The following TMEM178B variants were observed in gnomAD, a reference collection of about 807,000 sequenced individuals.
The protein encoded by TMEM178B is transmembrane protein 178B.
TMEM178B carries 5 observed loss-of-function variants against 31.0 expected under a neutral mutation model. The ratio of observed to expected loss-of-function variants is 0.16; its 90% CI spans 0.08 to 0.34. TMEM178B has a LOEUF of 0.34. Among genes scored for constraint, TMEM178B ranks in the 10% least tolerant of loss-of-function variants. TMEM178B has a pLI of 1.00. For synonymous variants in TMEM178B, 164 were observed against 164.0 expected, an observed-to-expected ratio of 1.00 and a Z score of 0.00; for missense variants, 275 against 400.3, an observed-to-expected ratio of 0.69 and a Z score of 2.67.
At chr7:141,231,180 C>T (rs935351870) in intron 2 of TMEM178B, among the ~76,000 whole-genome samples, 2 of 152,206 alleles carry the variant, frequency 1.3e-5, no homozygotes, top group Admixed American at 6.5e-5. Context: ...GCATTTCCAG[C>T]GCCTAGAACA....
chr7:141,196,861 G>A (rs1340905623), intron 1 of TMEM178B, among the ~76,000 whole-genome samples: 2 of 152,146 alleles, frequency 1.3e-5, no homozygotes, highest in Admixed American at 6.5e-5. Flanking sequence ...CCAGGAGTAG[G>A]ATAGTAGGAC....
At chr7:141,431,120 G>C (rs1801419632) in intron 2 of TMEM178B, 1 of 151,120 alleles carries the variant, frequency 6.6e-6, no homozygotes, top group Admixed American at 6.6e-5. Context: ...TCTAGCCCCA[G>C]TAATTACCAT....
intron 2 of TMEM178B, among the ~76,000 whole-genome samples, chr7:141,217,207 C>T (rs989354763): frequency 6.6e-6 from 1 of 152,164 alleles, no homozygotes; most frequent in African/African-American, 2.4e-5. Flanking sequence ...TTGCATGACC[C>T]CCAGGAGCTC....
chr7:141,414,779 G>A (rs546818494), intron 2 of TMEM178B: 1 of 152,304 alleles, frequency 6.6e-6, no homozygotes, highest in East Asian at 1.9e-4. Flanking sequence ...AGTAGCATCT[G>A]CTTCACATAA....
chr7:141,163,012 G>C (rs1179504639), intron 1 of TMEM178B, among the ~76,000 whole-genome samples: 1 of 152,198 alleles, frequency 6.6e-6, no homozygotes, highest in Non-Finnish European at 1.5e-5. Context: ...GCTAGCTTTT[G>C]CTGTGTAACA....
At chr7:141,300,192 C>G (rs965611004) in intron 2 of TMEM178B, among the ~76,000 whole-genome samples, 2 of 152,176 alleles carry the variant, frequency 1.3e-5, no homozygotes, top group African/African-American at 4.8e-5. Context: ...GGTGGCTGCT[C>G]CCTCTAGGAT....
chr7:141,445,038 A>G (rs1801728231), intron 3 of TMEM178B, among the ~76,000 whole-genome samples: 1 of 152,200 alleles, frequency 6.6e-6, no homozygotes, highest in Non-Finnish European at 1.5e-5. Context: ...GGAAATCATT[A>G]AAGTTTCTTT....
rs1181768953 is a variant in TMEM178B, at chr7:141,477,377, GAGTT to G, written c.*6594_*6597del. 2 of 153,468 alleles carry G rather than the reference GAGTT, an allele frequency of 1.3e-5. No homozygotes were observed. Among genetic ancestry groups the G allele is most frequent in the Non-Finnish European group, 2.9e-5 (2 of 68,200 alleles). 9.5% of individuals were successfully genotyped at this position (153,468 alleles called of 1,614,324 possible). Reference sequence around the variant, plus strand: ...CTTCTGTGGACGGCCCTAAAATCCTGAGTTAGGGTGGGATATGAAGGGAGGGATA... The same window carrying G: ...CTTCTGTGGACGGCCCTAAAATCCTGAGGGTGGGATATGAAGGGAGGGATA... On this transcript the variant is annotated 3_prime_UTR_variant, in exon 4 of 4. Transcript: ENST00000565468.
rs1456342231 is a variant in TMEM178B, at chr7:141,479,167, C to T, written c.*8381C>T. 1 of 152,308 alleles carries T rather than the reference C, an allele frequency of 6.6e-6. No homozygotes were observed. Among genetic ancestry groups the T allele is most frequent in the Non-Finnish European group, 1.5e-5 (1 of 68,114 alleles). 9.4% of individuals were successfully genotyped at this position (152,308 alleles called of 1,614,324 possible). On this transcript the variant is annotated 3_prime_UTR_variant, in exon 4 of 4. Coordinates refer to ENST00000565468, the MANE Select transcript of TMEM178B (RefSeq NM_001195278.2). ...ACTGCCTCCCACCCCTTAACCTGATCCCCTTATCATATAGTGGGGAAGGGG... is the reference window on the plus strand; with the variant it reads ...ACTGCCTCCCACCCCTTAACCTGATTCCCTTATCATATAGTGGGGAAGGGG...
chr7:141,209,912 G>A (rs1045426715), intron 1 of TMEM178B, among the ~76,000 whole-genome samples: 30 of 152,214 alleles, frequency 2.0e-4, no homozygotes, highest in African/African-American at 5.3e-4. Flanking sequence ...CCTGGGGTAT[G>A]TGAAGGCTGG....
At chr7:141,283,545 C>A (rs1798398400) in intron 2 of TMEM178B, among the ~76,000 whole-genome samples, 1 of 152,056 alleles carries the variant, frequency 6.6e-6, no homozygotes, top group African/African-American at 2.4e-5. Flanking sequence ...TTTTCTTATT[C>A]TTCACCTTTT....
intron 2 of TMEM178B, among the ~76,000 whole-genome samples, chr7:141,223,479 C>CTTTTTTTTTTTTTTTTT (rs10680431): frequency 6.1e-5 from 8 of 131,146 alleles, no homozygotes; most frequent in South Asian, 2.4e-4. Context: ...TGTTTTCACT[C>CTTTTTTTTTTTTTTTTT]TTTTTTTTTT....
At chr7:141,189,349 G>A (rs570088531) in intron 1 of TMEM178B, among the ~76,000 whole-genome samples, 5 of 152,380 alleles carry the variant, frequency 3.3e-5, no homozygotes, top group African/African-American at 1.2e-4. Flanking sequence ...GCACTCTGGT[G>A]TCAGGAATGA....
At chr7:141,096,625 C>A (rs745438891) in intron 1 of TMEM178B, among the ~76,000 whole-genome samples, 21 of 152,210 alleles carry the variant, frequency 1.4e-4, no homozygotes, top group Non-Finnish European at 2.4e-4. Flanking sequence ...CAGGGAAGCT[C>A]CATACCCCTT....
At chr7:141,346,834 A>G (rs147627803) in intron 2 of TMEM178B, among the ~76,000 whole-genome samples, 2 of 152,344 alleles carry the variant, frequency 1.3e-5, no homozygotes, top group East Asian at 1.9e-4. Context: ...ACTCATTGAT[A>G]TAATTTAGCT....
chr7:141,348,291 A>G lies in TMEM178B; in HGVS notation c.497-89317A>G, dbSNP rs527662077. 7.2e-5 allele frequency among the ~76,000 whole-genome samples: 11 copies of G among 152,358 alleles called. No individual in the cohort carries two copies. In the East Asian group the frequency reaches 2.1e-3, roughly 29 times the overall value. The stretch of plus-strand genomic sequence containing the variant: ...TGTAATAAAGCCCAAATTGTGTGAC[A>G]GTTTTCTAAACTCGCCATTGCAGAA... On this transcript the variant is annotated intron_variant, in intron 2 of 3. Transcript: ENST00000565468.
intron 2 of TMEM178B, among the ~76,000 whole-genome samples, chr7:141,425,400 G>C (rs1373085031): frequency 6.6e-6 from 1 of 152,218 alleles, no homozygotes; most frequent in African/African-American, 2.4e-5. Context: ...TATAGGGAAG[G>C]AGAAATGGAA....
At chr7:141,324,381 G>T (rs996136260) in intron 2 of TMEM178B, among the ~76,000 whole-genome samples, 1 of 141,830 alleles carries the variant, frequency 7.1e-6, no homozygotes, top group Middle Eastern at 3.9e-3. Flanking sequence ...CTGACAGATT[G>T]GATGTGGAGT....
intron 1 of TMEM178B, among the ~76,000 whole-genome samples, chr7:141,173,518 G>A (rs1290491942): frequency 8.5e-5 from 13 of 152,292 alleles, no homozygotes; most frequent in Admixed American, 2.0e-4. Context: ...CACAACTAAG[G>A]ATGTGAAGAT....
Sources: gnomAD v4.1 joint callset for allele counts (sites outside exome capture counted in the v4.1 genomes callset) on GRCh38, gnomAD v4.1.1 for gene constraint, MANE v1.5 for transcripts, NCBI Gene and HGNC (gene_info 2026-07-23, HGNC 2026-07-21) for gene names.